The following SLC5A11 variants were observed in gnomAD, a reference collection of about 807,000 sequenced individuals.
The protein encoded by SLC5A11 is sodium/myo-inositol cotransporter 2.
A neutral mutation model predicts 69.8 loss-of-function variants in SLC5A11; 48 were observed. The ratio of observed to expected loss-of-function variants is 0.69; its 90% CI spans 0.55 to 0.87. The LOEUF is 0.87. Ranked by LOEUF, SLC5A11 falls within the 40% of genes least tolerant of loss-of-function variation. The pLI is 0.00. For missense variants in SLC5A11, 784 were observed against 866.1 expected (o/e 0.91, Z 1.19); for synonymous variants, 319 against 342.4 (o/e 0.93, Z 0.75).
intron 1 of SLC5A11, among the ~76,000 whole-genome samples, chr16:24,849,593 A>AAATATAT: frequency 2.8e-5 from 1 of 35,924 alleles, no homozygotes; most frequent in Non-Finnish European, 5.6e-5. Flanking sequence ...AAAAAAAAAA[A>AAATATAT]ATATATATAT....
chr16:24,878,344 C>T (rs1303990515), intron 7 of SLC5A11, among the ~76,000 whole-genome samples: 1 of 152,212 alleles, frequency 6.6e-6, no homozygotes, highest in African/African-American at 2.4e-5. Flanking sequence ...CCTCATCTCT[C>T]CGCCTCATAC....
chr16:24,895,695 T>C (rs1316538755), intron 9 of SLC5A11, among the ~76,000 whole-genome samples: 1 of 152,098 alleles, frequency 6.6e-6, no homozygotes, highest in Non-Finnish European at 1.5e-5. Context: ...ATGTGCTGTG[T>C]CCAGTGGGCA....
intron 2 of SLC5A11, chr16:24,861,888 T>C (rs2046592266): frequency 6.6e-6 from 1 of 152,206 alleles, no homozygotes; most frequent in East Asian, 1.9e-4. Context: ...TCATAAGAAC[T>C]GAGCCCTCAT....
rs549340232 is a variant in SLC5A11 at position 24,875,787 on chromosome 16, A to G, written c.477+56A>G. The G allele has an allele frequency of 1.0e-3, 1,411 of 1,383,796 alleles. 1 individual carries two copies. The highest frequency in any genetic ancestry group is 1.4e-3 in the Non-Finnish European group (1,352 of 979,466). The allele number at this position is 1,383,796 out of a possible 1,614,324, so 85.7% of individuals were successfully genotyped here. On this transcript the variant is annotated intron_variant, in intron 6 of 15. Coordinates refer to ENST00000347898, the Ensembl canonical transcript of SLC5A11. Reference sequence around the variant, plus strand: ...ATGCAGCATGGGGAGAAGATAAGGCACAGATCATTGCTCAGGAGTGTCTCC... The same window carrying G: ...ATGCAGCATGGGGAGAAGATAAGGCGCAGATCATTGCTCAGGAGTGTCTCC...
At chr16:24,868,779 TCTC>T (rs150403594) in intron 3 of SLC5A11, among the ~76,000 whole-genome samples, 2,042 of 151,816 alleles carry the variant, frequency 0.013, 47 homozygotes, top group African/African-American at 0.047. Flanking sequence ...TTCTCTCTCC[TCTC>T]TTCTCTTCCT....
At position 24,901,929 on chromosome 16, in the gene SLC5A11, AAT is replaced by A. The variant is rs1318490539; in HGVS notation, c.1006+3822_1006+3823del. Reference sequence around the variant, plus strand: ...GCAAGATCCCATCTCTGGAAAAAAAAATACACACACACACACACACACACACA... The same window carrying A: ...GCAAGATCCCATCTCTGGAAAAAAAAACACACACACACACACACACACACA... On this transcript the variant is annotated intron_variant, in intron 10 of 15. Coordinates refer to ENST00000347898, the Ensembl canonical transcript of SLC5A11. Among the ~76,000 whole-genome samples the A allele has an allele frequency of 4.7e-3, 524 of 111,336 alleles. 2 individuals are homozygous for A. The highest frequency in any genetic ancestry group is 0.017 in the Middle Eastern group (4 of 238). 73.0% of individuals were successfully genotyped at this position (111,336 alleles called of 152,430 possible).
chr16:24,877,073 GC>G (rs2047722905), intron 6 of SLC5A11, 184 bp from the exon 8 acceptor site: 1 of 1,452,046 alleles, frequency 6.9e-7, no homozygotes, highest in East Asian at 2.4e-5. Context: ...TCAGCCCAGG[GC>G]CCACAGGGCT....
intron 7 of SLC5A11, among the ~76,000 whole-genome samples, chr16:24,881,207 A>G (rs1315091126): frequency 1.3e-5 from 2 of 151,472 alleles, no homozygotes; most frequent in African/African-American, 2.4e-5. Flanking sequence ...CTCAAATTAA[A>G]AAAAAAAAAA....
rs189557880 is a variant in SLC5A11 at position 24,868,099 on chromosome 16, T to G, written c.208-1802T>G. ...TTGCAGTGAGCTGAGATGGCACCAT[T>G]GCATTCCAGCCTGGGTGACAAAGCA... On this transcript the variant is annotated intron_variant, in intron 3 of 15. Coordinates refer to ENST00000347898, the Ensembl canonical transcript of SLC5A11. 3.5e-3 allele frequency among the ~76,000 whole-genome samples: 522 copies of G among 150,840 alleles called. 3 individuals are homozygous for G. The highest frequency in any genetic ancestry group is 0.012 in the African/African-American group (488 of 40,916).
At chr16:24,860,634 CA>C (rs1290249418) in intron 2 of SLC5A11, among the ~76,000 whole-genome samples, 1 of 152,148 alleles carries the variant, frequency 6.6e-6, no homozygotes, top group Non-Finnish European at 1.5e-5. Flanking sequence ...TGTTTTGTCA[CA>C]TTCTCACCAA....
chr16:24,860,160 G>A (rs113919482), intron 2 of SLC5A11, among the ~76,000 whole-genome samples: 9 of 152,298 alleles, frequency 5.9e-5, no homozygotes, highest in African/African-American at 2.2e-4. Flanking sequence ...GGTGGCGGGT[G>A]CCTATAGTCC....
intron 4 of SLC5A11, among the ~76,000 whole-genome samples, chr16:24,871,811 C>G (rs2152304018): frequency 6.6e-6 from 1 of 152,158 alleles, no homozygotes; most frequent in East Asian, 1.9e-4. Flanking sequence ...TGTGTTAACT[C>G]TTGTGGTCGT....
In SLC5A11 at chr16:24,905,833, G is replaced by A. The variant is rs561845407; in HGVS notation, c.1007-824G>A. Among the ~76,000 whole-genome samples, 6 of 131,966 alleles carry A rather than the reference G, an allele frequency of 4.5e-5. No homozygotes were observed. The South Asian group carries it at 1.4e-3, about 32-fold the overall frequency. 86.6% of individuals were successfully genotyped at this position (131,966 alleles called of 152,430 possible). ...CCTCAGTTTATCTGTCTTTGAAATA[G>A]GGATAATAACAGTATCTTCCCCCAT... On this transcript the variant is annotated intron_variant, in intron 10 of 15. Transcript: ENST00000347898.
intron 1 of SLC5A11, among the ~76,000 whole-genome samples, chr16:24,849,482 G>T (rs550163837): frequency 6.7e-6 from 1 of 148,356 alleles, no homozygotes; most frequent in South Asian, 2.1e-4. Flanking sequence ...CGGGAGAATC[G>T]CTTGAACCCG....
chr16:24,881,928 A>G (rs907470749), intron 7 of SLC5A11, among the ~76,000 whole-genome samples: 6 of 152,208 alleles, frequency 3.9e-5, no homozygotes, highest in African/African-American at 1.4e-4. Context: ...TCTAAGTGCC[A>G]TGGAATACTA....
At chr16:24,883,489 G>C (rs1047226014) in intron 7 of SLC5A11, among the ~76,000 whole-genome samples, 7 of 152,170 alleles carry the variant, frequency 4.6e-5, no homozygotes, top group African/African-American at 1.7e-4. Context: ...CAAATTGAGG[G>C]GCTTGAAAAA....
chr16:24,900,273 C>A (rs966535222), intron 10 of SLC5A11, among the ~76,000 whole-genome samples: 16 of 152,142 alleles, frequency 1.1e-4, no homozygotes, highest in Non-Finnish European at 2.2e-4. Context: ...AAAGTTTCCT[C>A]CCCTGTGCCT....
At chr16:24,850,095 G>A (rs549083597) in intron 1 of SLC5A11, among the ~76,000 whole-genome samples, 3 of 151,750 alleles carry the variant, frequency 2.0e-5, no homozygotes, top group African/African-American at 4.8e-5. Flanking sequence ...ACAGCACCAT[G>A]CCCAGCTAAT....
rs1182615959 is a variant in SLC5A11, at chr16:24,849,572, C to CAA, written c.-25+3155_-25+3156dup. 1.2e-3 allele frequency among the ~76,000 whole-genome samples: 45 copies of CAA among 38,472 alleles called. 1 individual carries two copies. Among genetic ancestry groups the CAA allele is most frequent in the South Asian group, 3.6e-3 (2 of 562 alleles). The allele number at this position is 38,472 out of a possible 152,430, so 25.2% of individuals were successfully genotyped here. A position where few individuals can be genotyped will look rare whatever the true frequency, so the allele number is the denominator to read the frequency against. ...ACAGAGCGAGACTCTGCCTTGGGGG[C>CAA]AAAAAAAAAAAAAAAAAAAAAATAT... is the stretch of plus-strand genomic sequence containing the variant. On this transcript the variant is annotated intron_variant, in intron 1 of 15. Coordinates refer to ENST00000347898, the Ensembl canonical transcript of SLC5A11.
Sources: gnomAD v4.1 joint callset for allele counts (sites outside exome capture counted in the v4.1 genomes callset) on GRCh38, gnomAD v4.1.1 for gene constraint, MANE v1.5 for transcripts, NCBI Gene and HGNC (gene_info 2026-07-23, HGNC 2026-07-21) for gene names.